CTNNA3: variants seen among roughly 807,000 people sequenced by gnomAD.
The protein encoded by CTNNA3 is catenin alpha 3.
A neutral mutation model predicts 95.7 loss-of-function variants in CTNNA3; 76 were observed. The observed-to-expected ratio is 0.79, with a 90% CI of 0.66 to 0.96. The LOEUF (loss-of-function observed/expected upper bound fraction) is 0.96, where lower values mean the gene tolerates loss of function less well. Among genes scored for constraint, CTNNA3 ranks in the 40% least tolerant of loss-of-function variants. CTNNA3 has a pLI of 0.00. For missense variants in CTNNA3, 1,191 were observed against 1,089.8 expected (o/e 1.09, Z -1.31); for synonymous variants, 431 against 374.4 (o/e 1.15, Z -1.74).
At chr10:67,480,801 T>C (rs897214183) in intron 5 of CTNNA3, among the ~76,000 whole-genome samples, 1 of 152,188 alleles carries the variant, frequency 6.6e-6, no homozygotes, top group African/African-American at 2.4e-5. Context: ...TTCTGTGTCT[T>C]TGTCTTAATT....
intron 12 of CTNNA3, among the ~76,000 whole-genome samples, chr10:66,318,218 G>A (rs2092128163): frequency 6.6e-6 from 1 of 150,842 alleles, no homozygotes; most frequent in Non-Finnish European, 1.5e-5. Context: ...AATAGTTAGT[G>A]GAATCAGCTG....
intron 5 of CTNNA3, among the ~76,000 whole-genome samples, chr10:67,231,105 C>T (rs1400129694): frequency 1.3e-5 from 2 of 152,168 alleles, no homozygotes; most frequent in African/African-American, 4.8e-5. Flanking sequence ...GGGAGGGGCG[C>T]CCGCCATTGC....
intron 7 of CTNNA3, among the ~76,000 whole-genome samples, chr10:67,142,921 A>C (rs1432516523): frequency 6.6e-6 from 1 of 151,874 alleles, no homozygotes; most frequent in Non-Finnish European, 1.5e-5. Flanking sequence ...ACAGAGCAAG[A>C]CTCTGTCTCA....
At chr10:66,905,941 T>C (rs1845971574) in intron 7 of CTNNA3, among the ~76,000 whole-genome samples, 1 of 152,150 alleles carries the variant, frequency 6.6e-6, no homozygotes, top group South Asian at 2.1e-4. Context: ...ATAATACTGT[T>C]TTGTGCACTT....
chr10:67,610,840 A>G (rs745505428), intron 2 of CTNNA3, among the ~76,000 whole-genome samples: 5 of 152,236 alleles, frequency 3.3e-5, no homozygotes, highest in Non-Finnish European at 7.3e-5. Flanking sequence ...ACCTTTTGCC[A>G]TAGATACAAA....
At chr10:66,165,687 T>C (rs1002086782) in intron 13 of CTNNA3, among the ~76,000 whole-genome samples, 1 of 152,068 alleles carries the variant, frequency 6.6e-6, no homozygotes, top group Non-Finnish European at 1.5e-5. Context: ...TAGTGAAGTA[T>C]TATTACCATC....
At chr10:66,405,491 G>A (rs2132575268) in intron 11 of CTNNA3, among the ~76,000 whole-genome samples, 1 of 152,140 alleles carries the variant, frequency 6.6e-6, no homozygotes, top group African/African-American at 2.4e-5. Context: ...TTTTAAGATT[G>A]GCTCAAAATG....
chr10:66,732,559 T>C (rs1467387978), intron 9 of CTNNA3, among the ~76,000 whole-genome samples: 2 of 152,214 alleles, frequency 1.3e-5, no homozygotes, highest in African/African-American at 4.8e-5. Context: ...CTTCTTCACG[T>C]GGTGGCAGGA....
chr10:66,399,957 TAGA>T (rs1408672049), intron 11 of CTNNA3, among the ~76,000 whole-genome samples: 1 of 152,024 alleles, frequency 6.6e-6, no homozygotes, highest in Non-Finnish European at 1.5e-5. Context: ...ACAGCAAACT[TAGA>T]AGATGAACTC....
chr10:67,565,984 G>GTA lies in CTNNA3; in HGVS notation c.293-26317_293-26316dup, dbSNP rs1240252996. On this transcript the variant is annotated intron_variant, in intron 3 of 17. Transcript: ENST00000433211. ...TAGATGAATGGATAAAGAAAATGCA[G>GTA]TATATATATATTATATATATATACA... Among the ~76,000 whole-genome samples the GTA allele has an allele frequency of 2.6e-3, 282 of 109,786 alleles. 5 individuals are homozygous for GTA. The highest frequency in any genetic ancestry group is 4.1e-3 in the Non-Finnish European group (224 of 54,892). 72.0% of individuals were successfully genotyped at this position (109,786 alleles called of 152,430 possible).
intron 9 of CTNNA3, among the ~76,000 whole-genome samples, chr10:66,635,225 A>T (rs947411514): frequency 6.6e-6 from 1 of 152,148 alleles, no homozygotes; most frequent in Admixed American, 6.5e-5. Context: ...AATAAAATAT[A>T]TTGAAGTACC....
At chr10:66,055,425 A>C (rs568423791) in intron 15 of CTNNA3, among the ~76,000 whole-genome samples, 40 of 152,104 alleles carry the variant, frequency 2.6e-4, no homozygotes, top group Non-Finnish European at 3.8e-4. Flanking sequence ...TATTGTACAG[A>C]TATTTCACTT....
intron 9 of CTNNA3, among the ~76,000 whole-genome samples, chr10:66,653,964 A>T (rs1214239563): frequency 2.0e-5 from 3 of 152,136 alleles, no homozygotes; most frequent in African/African-American, 7.2e-5. Flanking sequence ...AAAATGGATT[A>T]AAGATGTAAA....
chr10:66,815,657 A>T (rs1842049490), intron 7 of CTNNA3, among the ~76,000 whole-genome samples: 1 of 152,182 alleles, frequency 6.6e-6, no homozygotes, highest in South Asian at 2.1e-4. Flanking sequence ...GTTAGGGCAA[A>T]AAAAAGGCAA....
rs764374345 is a variant in CTNNA3, at chr10:67,521,902, G to A, written c.519C>T (p.Thr173=). The A allele has an allele frequency of 3.2e-5, 51 of 1,612,746 alleles. No individual in the cohort carries two copies. Among genetic ancestry groups the A allele is most frequent in the Non-Finnish European group, 4.1e-5 (48 of 1,179,134 alleles). The change falls in exon 5 of 18, where the codon ACC becomes ACT. Residue 173 remains threonine (T), a synonymous_variant. Coordinates refer to ENST00000433211, the MANE Select transcript of CTNNA3 (RefSeq NM_013266.4). ...NVANKSDLQK[T]YQKLGKELEN... ...CCAGCTCCTTCCCAAGCTTCTGGTA[G>A]GTTTTCTGGAGGTCAGATTTGTTGG...
At chr10:67,636,006 A>T (rs1839300322) in intron 2 of CTNNA3, among the ~76,000 whole-genome samples, 1 of 152,224 alleles carries the variant, frequency 6.6e-6, no homozygotes, top group Non-Finnish European at 1.5e-5. Flanking sequence ...AATTGCTAGC[A>T]TTCCTATACA....
In CTNNA3 at chr10:67,622,531, G is replaced by A. The variant is rs564828437; in HGVS notation, c.100-15482C>T. ...AGGAAGCAAGCTGAGAAGAGGTGAA[G>A]CACATACAATGAATGGCAGCTACCC... On this transcript the variant is annotated intron_variant, in intron 2 of 17. Coordinates refer to ENST00000433211, the MANE Select transcript of CTNNA3 (RefSeq NM_013266.4). Among the ~76,000 whole-genome samples the A allele has an allele frequency of 1.5e-4, 23 of 152,286 alleles. No individual in the cohort carries two copies. In the South Asian group the frequency reaches 4.8e-3, roughly 32 times the overall value.
intron 15 of CTNNA3, among the ~76,000 whole-genome samples, chr10:66,053,774 A>G (rs979367784): frequency 5.3e-5 from 8 of 152,050 alleles, no homozygotes; most frequent in African/African-American, 1.7e-4. Context: ...GAATATTTTA[A>G]TTCTACTCCT....
At chr10:67,446,034 T>C (rs780209040) in intron 5 of CTNNA3, among the ~76,000 whole-genome samples, 2 of 152,172 alleles carry the variant, frequency 1.3e-5, no homozygotes, top group Non-Finnish European at 2.9e-5. Flanking sequence ...TATTAAAGCA[T>C]AGATGGCAAG....
Sources: gnomAD v4.1 joint callset for allele counts (sites outside exome capture counted in the v4.1 genomes callset) on GRCh38, gnomAD v4.1.1 for gene constraint, MANE v1.5 for transcripts, NCBI Gene and HGNC (gene_info 2026-07-23, HGNC 2026-07-21) for gene names.